The following VPS35L variants were observed in gnomAD, a reference collection of about 807,000 sequenced individuals.
VPS35L encodes the protein VPS35 endosomal protein-sorting factor-like.
In VPS35L, 83 loss-of-function variants were observed where a neutral mutation model predicts 133.0. That is an observed-to-expected ratio of 0.62 (90% CI 0.52 to 0.75). The LOEUF (loss-of-function observed/expected upper bound fraction) is 0.75, where lower values mean the gene tolerates loss of function less well. VPS35L is among the 30% of genes least tolerant of loss of function. VPS35L has a pLI of 0.00. For missense variants in VPS35L, 1,083 were observed against 1,206.8 expected (o/e 0.90, Z 1.52); for synonymous variants, 423 against 449.9 (o/e 0.94, Z 0.76).
chr16:19,687,732 T>C (rs1312239227), intron 28 of VPS35L, among the ~76,000 whole-genome samples: 1 of 152,068 alleles, frequency 6.6e-6, no homozygotes, highest in Admixed American at 6.6e-5. Context: ...AAAAAAAAAT[T>C]ATGTGTGTCT....
intron 4 of VPS35L, among the ~76,000 whole-genome samples, chr16:19,574,465 C>G (rs939040516): frequency 2.6e-5 from 4 of 152,106 alleles, no homozygotes; most frequent in Non-Finnish European, 5.9e-5. Context: ...GGGCTGTGCC[C>G]TGGAGGAAAC....
intron 14 of VPS35L, among the ~76,000 whole-genome samples, chr16:19,620,350 T>A (rs978959165): frequency 6.6e-6 from 1 of 152,188 alleles, no homozygotes; most frequent in Non-Finnish European, 1.5e-5. Context: ...CCCCAAAAAG[T>A]ATGCATGTAA....
chr16:19,674,971 G>C (rs1017314969), intron 27 of VPS35L, among the ~76,000 whole-genome samples: 4 of 137,990 alleles, frequency 2.9e-5, no homozygotes, highest in Non-Finnish European at 4.7e-5. Flanking sequence ...TTTTTTTTGA[G>C]ACAGGATCTC....
Position 19,687,130 on chromosome 16 carries a change from G to A in VPS35L, c.2528-4223G>A, listed in dbSNP as rs192896326. Among the ~76,000 whole-genome samples, 611 of 152,308 alleles carry A rather than the reference G, an allele frequency of 4.0e-3. 7 individuals are homozygous for A. The highest frequency in any genetic ancestry group is 0.014 in the African/African-American group (594 of 41,558). On this transcript the variant is annotated intron_variant, in intron 28 of 30. Coordinates refer to ENST00000417362, the MANE Select transcript of VPS35L (RefSeq NM_020314.7). ...CCACTAGGTTCCCGCTCCTAGCCTAGAAGCTGGCATGAAGCAGGCCTTATT... is the reference window on the plus strand; with the variant it reads ...CCACTAGGTTCCCGCTCCTAGCCTAAAAGCTGGCATGAAGCAGGCCTTATT...
intron 26 of VPS35L, among the ~76,000 whole-genome samples, chr16:19,662,660 A>AC (rs758033365): frequency 2.0e-5 from 3 of 146,432 alleles, no homozygotes; most frequent in Admixed American, 6.8e-5. Flanking sequence ...ATTTAGATAA[A>AC]ACCCCCCACA....
At chr16:19,640,202 C>G in intron 21 of VPS35L, 102 bp downstream of exon 21, 1 of 1,028,738 alleles carries the variant, frequency 9.7e-7, no homozygotes, top group East Asian at 2.5e-5. Flanking sequence ...GTGATGTGTA[C>G]GTATTTCATA....
chr16:19,616,578 A>C, intron 13 of VPS35L, 108 bp from the exon 14 acceptor site: 1 of 1,358,990 alleles, frequency 7.4e-7, no homozygotes, highest in Non-Finnish European at 1.0e-6. Flanking sequence ...TATTTCTCTC[A>C]GGGCTGTCCA....
intron 1 of VPS35L, among the ~76,000 whole-genome samples, chr16:19,556,934 G>C (rs1020167554): frequency 2.6e-5 from 4 of 151,902 alleles, no homozygotes; most frequent in African/African-American, 9.7e-5. Context: ...AGACCAGCCT[G>C]GCCAACATGG....
intron 18 of VPS35L, among the ~76,000 whole-genome samples, chr16:19,631,028 AAT>A (rs1973440995): frequency 6.6e-6 from 1 of 151,798 alleles, no homozygotes; most frequent in Non-Finnish European, 1.5e-5. Flanking sequence ...ATAATAATAA[AAT>A]AAGTCCTGAG....
intron 29 of VPS35L, among the ~76,000 whole-genome samples, chr16:19,698,964 T>C (rs1194081234): frequency 6.6e-6 from 1 of 152,154 alleles, no homozygotes; most frequent in Non-Finnish European, 1.5e-5. Context: ...CATCAGATGA[T>C]TGAGCAAGAA....
intron 5 of VPS35L, among the ~76,000 whole-genome samples, chr16:19,576,218 G>A (rs34238668): frequency 0.16 from 23,812 of 150,000 alleles, 2,004 homozygotes; most frequent in African/African-American, 0.19. Context: ...GGAGTAAAAC[G>A]TAAGCTTACT....
chr16:19,662,881 T>C (rs1034008743), intron 26 of VPS35L, among the ~76,000 whole-genome samples: 3 of 151,506 alleles, frequency 2.0e-5, no homozygotes, highest in African/African-American at 7.3e-5. Flanking sequence ...CCCAGCTACT[T>C]GAGAGGGTGA....
chr16:19,649,908 A>C (rs1234848249), intron 24 of VPS35L, among the ~76,000 whole-genome samples: 5 of 152,184 alleles, frequency 3.3e-5, no homozygotes, highest in African/African-American at 1.2e-4. Context: ...ATAGCTCTTA[A>C]ATAGTGCTTG....
chr16:19,621,781 A>G (rs1973090137), intron 14 of VPS35L, among the ~76,000 whole-genome samples: 1 of 152,242 alleles, frequency 6.6e-6, no homozygotes, highest in Non-Finnish European at 1.5e-5. Flanking sequence ...CTTTATGACA[A>G]CAGAGCCTTT....
At chr16:19,698,137 C>T (rs55781242) in intron 29 of VPS35L, among the ~76,000 whole-genome samples, 30,579 of 152,136 alleles carry the variant, frequency 0.2, 3,388 homozygotes, top group African/African-American at 0.27. Context: ...TGGCTGGGCT[C>T]TTATCAGGAG....
intron 7 of VPS35L, among the ~76,000 whole-genome samples, chr16:19,584,824 T>C (rs1971815652): frequency 6.6e-6 from 1 of 152,048 alleles, no homozygotes; most frequent in African/African-American, 2.4e-5. Context: ...CCCAAGTAGC[T>C]GGGACTATAG....
chr16:19,635,755 T>C (rs1337656119), intron 19 of VPS35L, among the ~76,000 whole-genome samples: 1 of 152,118 alleles, frequency 6.6e-6, no homozygotes, highest in African/African-American at 2.4e-5. Context: ...AGGGAAAAAA[T>C]AGTATGTTTT....
At chr16:19,662,450 A>T (rs1436125995) in intron 26 of VPS35L, among the ~76,000 whole-genome samples, 3 of 152,234 alleles carry the variant, frequency 2.0e-5, no homozygotes, top group Non-Finnish European at 4.4e-5. Flanking sequence ...CAGCATGGCT[A>T]AGAGGCTCTG....
At chr16:19,665,041 A>T (rs186071847) in intron 26 of VPS35L, among the ~76,000 whole-genome samples, 22 of 152,070 alleles carry the variant, frequency 1.4e-4, no homozygotes, top group Admixed American at 2.0e-4. Flanking sequence ...TTTCTAAAAA[A>T]ATTTTTGTGG....
Sources: allele counts gnomAD v4.1 joint callset (sites outside exome capture counted in the v4.1 genomes callset), GRCh38; gene constraint gnomAD v4.1.1; transcripts MANE v1.5; gene names NCBI Gene and HGNC (gene_info 2026-07-23, HGNC 2026-07-21).